Variants in CCDC51 observed in about 807,000 individuals in gnomAD.
CCDC51 encodes coiled-coil domain containing 51.
In CCDC51, 25 loss-of-function variants were observed where a neutral mutation model predicts 24.8. The observed-to-expected ratio is 1.01, with a 90% confidence interval of 0.73 to 1.41. The LOEUF (loss-of-function observed/expected upper bound fraction) is 1.41, where lower values mean the gene tolerates loss of function less well. Ranked by LOEUF, CCDC51 falls within the 40% of genes most tolerant of loss-of-function variation. CCDC51 has a pLI of 0.00. For missense variants in CCDC51, 466 were observed against 519.1 expected, an observed-to-expected ratio of 0.90 and a Z score of 0.99; for synonymous variants, 190 against 204.3, an observed-to-expected ratio of 0.93 and a Z score of 0.60.
chr3:48,432,910 T>C lies in CCDC51; in HGVS notation c.734A>G (p.Gln245Arg). The change falls in exon 4 of 4, where the codon CAA becomes CGA. Residue 245 changes from glutamine to arginine, a missense_variant. By Grantham distance (43) the Gln-to-Arg change is conservative. Transcript: ENST00000395694. Reference sequence around the variant, plus strand: ...AGACGCCTGTTCTCGAATGGCCTCTTGGAGACTCACAGGCCCCTTCTGCGC... The same window carrying C: ...AGACGCCTGTTCTCGAATGGCCTCTCGGAGACTCACAGGCCCCTTCTGCGC... ...LEAQKGPVSL[Q>R]EAIREQASSY... is the part of the protein sequence containing the mutation. 5 of 1,614,076 alleles carry C rather than the reference T, an allele frequency of 3.1e-6. No individual in the cohort carries two copies.
chr3:48,436,029 G>A (rs960618017), intron 1 of CCDC51, among the ~76,000 whole-genome samples: 4 of 152,154 alleles, frequency 2.6e-5, no homozygotes, highest in African/African-American at 9.7e-5. Context: ...CTGTTATCCA[G>A]AATCAGGCCT....
chr3:48,437,374 CCCCAA>C lies in CCDC51; in HGVS notation c.-8-2243_-8-2239del, dbSNP rs2039386174. ...TCAGCCTCTCCACCATCCCACCAGCCCCCAACCCTGGGCCCTGTTTCTCAGCCCCC... is the reference window on the plus strand; with the variant it reads ...TCAGCCTCTCCACCATCCCACCAGCCCCCTGGGCCCTGTTTCTCAGCCCCC... On this transcript the variant is annotated intron_variant, in intron 1 of 3. Coordinates refer to ENST00000395694, the MANE Select transcript of CCDC51 (RefSeq NM_001256964.2). This position sits in a 1 kb window ranked among gnomAD's most constrained non-coding sequence, Gnocchi z 4.2. Among the ~76,000 whole-genome samples the C allele has an allele frequency of 6.6e-6, 1 of 152,062 alleles. No individual in the cohort carries two copies. Among genetic ancestry groups the C allele is most frequent in the Non-Finnish European group, 1.5e-5 (1 of 68,010 alleles).
chr3:48,433,611 C>G lies in CCDC51; in HGVS notation c.477+96G>C. On this transcript the variant is annotated intron_variant, in intron 3 of 3. Transcript: ENST00000395694. The surrounding 1 kb of genome is among the most constrained non-coding windows in gnomAD (Gnocchi z 4.4). ...GCTCACCTCTGTACCAGGCCTCTGA[C>G]TACAGACCAGTCAGGGTTCCCACCC... 1 of 1,358,262 alleles carries G rather than the reference C, an allele frequency of 7.4e-7. No homozygotes were observed. Among genetic ancestry groups the G allele is most frequent in the Non-Finnish European group, 1.0e-6 (1 of 983,382 alleles). The allele number at this position is 1,358,262 out of a possible 1,614,324, so 84.1% of individuals were successfully genotyped here.
rs34044760 is a variant in CCDC51 at position 48,433,151 on chromosome 3, G to A, written c.493C>T (p.Arg165Cys). ...TCTTCTGCACGCAGATAGGCTGTGC[G>A]AAGCCTCTTCTCCTCCTGCAGAAGC... ...HRMLQEEKRL[R>C]TAYLRAEDSE... The change falls in exon 4 of 4, where the codon CGC (arginine) becomes TGC (cysteine). Residue 165 changes from arginine (R) to cysteine (C), a missense_variant. Arg to Cys is a radical substitution (Grantham distance 180). Transcript: ENST00000395694. This position sits in a 1 kb window ranked among gnomAD's most constrained non-coding sequence, Gnocchi z 4.4. The A allele has an allele frequency of 2.4e-3, 3,925 of 1,611,358 alleles. 105 individuals carry two copies. In the South Asian group the frequency reaches 0.041, roughly 17 times the overall value.
chr3:48,440,479 A>C (rs754975608), upstream of CCDC51: 9 of 1,608,582 alleles, frequency 5.6e-6, no homozygotes, highest in Admixed American at 6.8e-5. Flanking sequence ...GCGCGGAGGC[A>C]CTGGCGGGTG....
chr3:48,434,736 G>GTTTA, intron 2 of CCDC51, 81 bp downstream of exon 2: 3 of 1,297,298 alleles, frequency 2.3e-6, no homozygotes, highest in Non-Finnish European at 3.2e-6. Flanking sequence ...GTCTGGATGT[G>GTTTA]GCTACCCAGC....
At chr3:48,440,544 G>C (rs1485988722), upstream of CCDC51, 2 of 1,611,498 alleles carry the variant, frequency 1.2e-6, no homozygotes, top group Non-Finnish European at 1.7e-6. Context: ...TCCCCAGGAA[G>C]ATAAGGCTTT....
chr3:48,438,478 A>G (rs922506617), intron 1 of CCDC51, among the ~76,000 whole-genome samples: 1 of 151,882 alleles, frequency 6.6e-6, no homozygotes, highest in Admixed American at 6.6e-5. Flanking sequence ...TTTTTCCCAT[A>G]GCCTTCTCCA....
the CCDC51 span, among the ~76,000 whole-genome samples, chr3:48,445,803 AAG>A: frequency 6.6e-6 from 1 of 152,182 alleles, no homozygotes; most frequent in Non-Finnish European, 1.5e-5. Flanking sequence ...GTAAGGCTGA[AAG>A]AGTCTTGCTC....
At chr3:48,442,359 T>C (rs969151734), upstream of CCDC51, among the ~76,000 whole-genome samples, 3 of 152,098 alleles carry the variant, frequency 2.0e-5, no homozygotes, top group Non-Finnish European at 4.4e-5. Context: ...GCTAGTTGTT[T>C]CTCATTGAGC....
upstream of CCDC51, among the ~76,000 whole-genome samples, chr3:48,441,277 C>T (rs956207652): frequency 6.6e-6 from 1 of 152,022 alleles, no homozygotes; most frequent in Non-Finnish European, 1.5e-5. Flanking sequence ...AACTCCTGAC[C>T]TCGTGATCCA....
upstream of CCDC51, chr3:48,444,051 G>C (rs1188317268): frequency 6.7e-6 from 3 of 450,562 alleles, no homozygotes; most frequent in Non-Finnish European, 1.1e-5. Flanking sequence ...ATCTTACAGT[G>C]GCTCATCATC....
chr3:48,443,351 C>T (rs1035221841), upstream of CCDC51, among the ~76,000 whole-genome samples: 2 of 151,266 alleles, frequency 1.3e-5, no homozygotes, highest in African/African-American at 4.9e-5. Context: ...AGTTCGAGAC[C>T]AGCCTGACCA....
chr3:48,444,560 A>T (rs2039633177), upstream of CCDC51, among the ~76,000 whole-genome samples: 1 of 152,236 alleles, frequency 6.6e-6, no homozygotes, highest in Non-Finnish European at 1.5e-5. Flanking sequence ...GGCATGAGCC[A>T]CTGTGCCTGA....
upstream of CCDC51, chr3:48,441,010 T>TTTTTGTTTTGTTTTG (rs747987196): frequency 0.013 from 3,458 of 270,164 alleles, 119 homozygotes; most frequent in African/African-American, 0.072. Context: ...CTTAGAAGTT[T>TTTTTGTTTTGTTTTG]TTTTGTTTTG....
At position 48,435,110 on chromosome 3, in the gene CCDC51, C is replaced by G. The variant is rs780340565; in HGVS notation, c.19G>C (p.Gly7Arg). 1 of 1,587,140 alleles carries G rather than the reference C, an allele frequency of 6.3e-7. No homozygotes were observed. The highest frequency in any genetic ancestry group is 1.2e-5 in the South Asian group (1 of 86,438). ...CCCACGATGTGCTGCATGGCAAACCCAGGGCTGCGCCCCATCATCCTGAGA... is the reference window on the plus strand; with the variant it reads ...CCCACGATGTGCTGCATGGCAAACCGAGGGCTGCGCCCCATCATCCTGAGA... MMGRSP[G>R]FAMQHIVGVP... Residue 7 changes from glycine to arginine, a missense_variant, in exon 2 of 4, where the codon GGG becomes CGG. By Grantham distance (125) the Gly-to-Arg change is moderately radical (BLOSUM62 -2). Coordinates refer to ENST00000395694, the MANE Select transcript of CCDC51 (RefSeq NM_001256964.2). This position sits in a 1 kb window ranked among gnomAD's most constrained non-coding sequence, Gnocchi z 4.2.
intron 1 of CCDC51, chr3:48,438,216 A>AT (rs2039417775): frequency 1.3e-5 from 2 of 152,120 alleles, no homozygotes; most frequent in Non-Finnish European, 2.9e-5. Flanking sequence ...GGTCAAAAAA[A>AT]TTTATTTTGG....
chr3:48,433,268 A>G lies in CCDC51; in HGVS notation c.478-102T>C. ...CACTACCTTGTGCCTGGCAGAGTAC[A>G]TGTTCCATAGACCCATGCTGAATGA... On this transcript the variant is annotated intron_variant, in intron 3 of 3. Coordinates refer to ENST00000395694, the MANE Select transcript of CCDC51 (RefSeq NM_001256964.2). This position sits in a 1 kb window ranked among gnomAD's most constrained non-coding sequence, Gnocchi z 4.4. 1 of 1,145,986 alleles carries G rather than the reference A, an allele frequency of 8.7e-7. No homozygotes were observed. The highest frequency in any genetic ancestry group is 1.2e-6 in the Non-Finnish European group (1 of 802,896). 71.0% of individuals were successfully genotyped at this position (1,145,986 alleles called of 1,614,324 possible).
chr3:48,433,008 G>A lies in CCDC51; in HGVS notation c.636C>T (p.Ala212=). ...AGGTGGAGCCAGCCACACCAATCAGGGCCCCCAGGACTGAGCCAATGAGGG... is the reference window on the plus strand; with the variant it reads ...AGGTGGAGCCAGCCACACCAATCAGAGCCCCCAGGACTGAGCCAATGAGGG... ...NWSLIGSVLG[A]LIGVAGSTYV... The change falls in exon 4 of 4, where the codon GCC becomes GCT. Residue 212 remains alanine, a synonymous_variant. Coordinates refer to ENST00000395694, the MANE Select transcript of CCDC51 (RefSeq NM_001256964.2). The surrounding 1 kb of genome is among the most constrained non-coding windows in gnomAD (Gnocchi z 4.4). The A allele has an allele frequency of 6.2e-7, 1 of 1,614,146 alleles. No individual in the cohort carries two copies. Among genetic ancestry groups the A allele is most frequent in the Non-Finnish European group, 8.5e-7 (1 of 1,180,040 alleles).
Sources: gnomAD v4.1 joint callset for allele counts (sites outside exome capture counted in the v4.1 genomes callset) on GRCh38, gnomAD v4.1.1 for gene constraint, Gnocchi (gnomAD v3.1) non-coding constraint, MANE v1.5 for transcripts, NCBI Gene and HGNC (gene_info 2026-07-23, HGNC 2026-07-21) for gene names.